FN1: variants seen among roughly 807,000 people sequenced by gnomAD.
The protein encoded by FN1 is fibronectin.
FN1 carries 106 observed loss-of-function variants against 297.3 expected under a neutral mutation model. That is an observed-to-expected ratio of 0.36 (90% confidence interval 0.30 to 0.42). FN1 has a LOEUF of 0.42. Ranked by LOEUF, FN1 falls within the 10% of genes least tolerant of loss-of-function variation. FN1 has a pLI of 1.00. For synonymous variants in FN1, 1,149 were observed against 1,152.6 expected, an observed-to-expected ratio of 1.00 and a Z score of 0.06; for missense variants, 2,690 against 3,124.9, an observed-to-expected ratio of 0.86 and a Z score of 3.32.
At chr2:215,394,757 A>C in intron 23 of FN1, 38 bp from the exon 24 acceptor site, 6 of 1,483,976 alleles carry the variant, frequency 4.0e-6, no homozygotes, top group Non-Finnish European at 5.6e-6. Flanking sequence ...TGCACAGAGG[A>C]TCTGTGAGCC....
chr2:215,384,357 G>A, intron 29 of FN1, 173 bp from the exon 30 acceptor site: 1 of 636,128 alleles, frequency 1.6e-6, no homozygotes, highest in Non-Finnish European at 2.8e-6. Flanking sequence ...AGCAAACCTT[G>A]GTAAGTGTAT....
intron 26 of FN1, among the ~76,000 whole-genome samples, chr2:215,391,069 A>T (rs751520018): frequency 2.0e-5 from 3 of 152,126 alleles, no homozygotes; most frequent in Non-Finnish European, 4.4e-5. Context: ...TATTTATTTA[A>T]TGTCAGTTTT....
At chr2:215,397,634 A>T in intron 22 of FN1, 46 bp downstream of exon 22, 1 of 1,558,192 alleles carries the variant, frequency 6.4e-7, no homozygotes, top group Non-Finnish European at 8.9e-7. Context: ...TTCGAAAAGT[A>T]GAACAGTTTT....
rs539703917 is a variant in FN1 at position 215,386,948 on chromosome 2, G to A, written c.4353C>T (p.Ser1451=). ...TATCAGAAAAGTCAATGCCAGTTGG[G>A]GAATCAAGACCTGTTTTTCCCACCC... is the stretch of plus-strand genomic sequence containing the variant. ...LRGRQKTGLD[S]PTGIDFSDIT... Residue 1451 remains serine (S), a synonymous_variant, in exon 28 of 46, where the codon TCC becomes TCT. Transcript: ENST00000354785. The A allele has an allele frequency of 1.9e-6, 3 of 1,611,310 alleles. No homozygotes were observed. The East Asian group carries it at 6.7e-5, about 36-fold the overall frequency.
At position 215,381,743 on chromosome 2, in the gene FN1, A is replaced by C. The variant is rs1412603579; in HGVS notation, c.5164+469T>G. On this transcript the variant is annotated intron_variant, in intron 32 of 45. Transcript: ENST00000354785. ...TGCCTCAGCCTCCCAAAATGCTGGG[A>C]TTACAGGCGTGAGCCCAGCCCTATA... 1.8e-5 allele frequency: 4 copies of C among 221,710 alleles called. No homozygotes were observed. The South Asian group carries it at 2.0e-4, about 11-fold the overall frequency. The allele number at this position is 221,710 out of a possible 1,614,324, so 13.7% of individuals were successfully genotyped here.
In FN1 at chr2:215,423,455, T is replaced by C; in HGVS notation, c.1288A>G (p.Asn430Asp). The change falls in exon 9 of 46, where the codon AAT becomes GAT. Residue 430 changes from asparagine to aspartate, a missense_variant. Transcript: ENST00000354785. ...CHFPFLYNNHNYTDCTSEGRR... is the reference protein window; with the variant it reads ...CHFPFLYNNHDYTDCTSEGRR... ...CCCTCAGAAGTGCAATCAGTGTAAT[T>C]GTGGTTGTTGTATAGGAAGGGGAAG... 2 of 1,614,220 alleles carry C rather than the reference T, an allele frequency of 1.2e-6. No homozygotes were observed. Among genetic ancestry groups the C allele is most frequent in the South Asian group, 1.1e-5 (1 of 91,090 alleles).
intron 28 of FN1, among the ~76,000 whole-genome samples, chr2:215,385,934 C>T (rs1380737153): frequency 7.3e-5 from 11 of 151,724 alleles, no homozygotes; most frequent in African/African-American, 2.4e-4. Flanking sequence ...CATGCCACCA[C>T]GCCCAGCTAA....
In FN1 at chr2:215,361,540, G is replaced by T. The variant is rs1300762983; in HGVS notation, c.*15C>A. ...GCAGAGAGACATGCTTGTTCCTCTG[G>T]ATTGGAAAGATGATTTACTCTCGGG... On this transcript the variant is annotated 3_prime_UTR_variant, in exon 46 of 46. Coordinates refer to ENST00000354785, the MANE Select transcript of FN1 (RefSeq NM_212482.4). 1 of 1,573,064 alleles carries T rather than the reference G, an allele frequency of 6.4e-7. No individual in the cohort carries two copies. The highest frequency in any genetic ancestry group is 1.7e-5 in the Admixed American group (1 of 59,962).
chr2:215,361,755 A>G, intron 45 of FN1, 129 bp from the exon 46 acceptor site: 1 of 1,002,014 alleles, frequency 1.0e-6, no homozygotes. Flanking sequence ...CCTAGTTTCA[A>G]GAACCTAGCA....
intron 2 of FN1, 27 bp downstream of exon 2, chr2:215,434,669 C>T (rs371451181): frequency 1.7e-5 from 27 of 1,613,774 alleles, no homozygotes; most frequent in Admixed American, 1.7e-4. Flanking sequence ...TTAAAAGATA[C>T]TAACTATGGG....
chr2:215,407,281 GCTGCTAC>G lies in FN1; in HGVS notation c.2552_2558del (p.Gly851AlafsTer66). ...CAGTTTCAGGAAGGTTGAGTTCTGT[GCTGCTAC>G]CTTCTACTGATGGCGAATAGACTAT... On this transcript the variant is annotated frameshift_variant, in exon 18 of 46. Transcript: ENST00000354785. LOFTEE classifies it high-confidence loss of function. 1 of 1,614,162 alleles carries G rather than the reference GCTGCTAC, an allele frequency of 6.2e-7. No homozygotes were observed. The highest frequency in any genetic ancestry group is 8.5e-7 in the Non-Finnish European group (1 of 1,180,018).
intron 2 of FN1, among the ~76,000 whole-genome samples, chr2:215,434,096 G>A (rs2106547729): frequency 6.6e-6 from 1 of 152,226 alleles, no homozygotes; most frequent in South Asian, 2.1e-4. Flanking sequence ...GCAAGACTCT[G>A]TCTCAAAAAC....
chr2:215,406,494 G>T lies in FN1; in HGVS notation c.2730C>A (p.Pro910=), dbSNP rs371461818. Residue 910 remains proline (P), a synonymous_variant, in exon 19 of 46, where the codon CCC becomes CCA. Transcript: ENST00000354785. ...TCACTTCCACAAACTGCAGGTCCCT[G>T]GGAGAGGGCACTGTATCTGACAGAC... The part of the protein sequence containing the change: ...GTPRSDTVPS[P]RDLQFVEVTD... The T allele has an allele frequency of 5.0e-6, 8 of 1,613,874 alleles. No homozygotes were observed. The highest frequency in any genetic ancestry group is 6.8e-6 in the Non-Finnish European group (8 of 1,180,008).
chr2:215,383,298 G>A (rs766139586), intron 31 of FN1, 30 bp downstream of exon 31: 10 of 1,612,394 alleles, frequency 6.2e-6, no homozygotes, highest in East Asian at 4.5e-5. Context: ...GTGAGCCACC[G>A]CACCTGGCCG....
rs1259507914 is a variant in FN1 at position 215,384,127 on chromosome 2, A to G, written c.4787T>C (p.Ile1596Thr). The change falls in exon 30 of 46, where the codon ATC (isoleucine) becomes ACC (threonine). Residue 1596 changes from isoleucine (I) to threonine (T), a missense_variant. By Grantham distance (89) the Ile-to-Thr change is moderately conservative. Coordinates refer to ENST00000354785, the MANE Select transcript of FN1 (RefSeq NM_212482.4). ...ATCAACTCCAGGTTTAAGGCCGCTG[A>G]TGGTAGCTGTAGACTTGCTCCCAGG... ...TVPGSKSTAT[I>T]SGLKPGVDYT... The G allele has an allele frequency of 1.2e-6, 2 of 1,614,180 alleles. No homozygotes were observed. The highest frequency in any genetic ancestry group is 1.7e-4 in the Middle Eastern group (1 of 6,058).
At chr2:215,377,633 C>T (rs1443451460) in intron 35 of FN1, among the ~76,000 whole-genome samples, 1 of 152,170 alleles carries the variant, frequency 6.6e-6, no homozygotes, top group African/African-American at 2.4e-5. Context: ...GCCAATTAAG[C>T]CTCTTTTCTT....
intron 34 of FN1, 148 bp from the exon 35 acceptor site, chr2:215,378,410 T>C: frequency 1.4e-6 from 1 of 691,338 alleles, no homozygotes. Context: ...CCTAGATTAA[T>C]TTCATTCCTA....
At chr2:215,374,636 A>G (rs1000905223) in intron 38 of FN1, among the ~76,000 whole-genome samples, 1 of 152,242 alleles carries the variant, frequency 6.6e-6, no homozygotes, top group African/African-American at 2.4e-5. Flanking sequence ...ACCTCTTTAT[A>G]GCAGTATGAA....
At chr2:215,386,598 A>AAT (rs2059042436) in intron 28 of FN1, 91 bp downstream of exon 28, 1 of 346,624 alleles carries the variant, frequency 2.9e-6, no homozygotes, top group South Asian at 3.3e-5. Flanking sequence ...TTTTTTTGAG[A>AAT]GCTGATGACA....
Sources: allele counts gnomAD v4.1 joint callset (sites outside exome capture counted in the v4.1 genomes callset), GRCh38; gene constraint gnomAD v4.1.1; transcripts MANE v1.5; gene names NCBI Gene and HGNC (gene_info 2026-07-23, HGNC 2026-07-21).